Variants in C8orf34 observed in about 807,000 individuals in gnomAD.
The protein encoded by C8orf34 is uncharacterized protein C8orf34.
In C8orf34, 65 loss-of-function variants were observed where a neutral mutation model predicts 68.3. The observed-to-expected ratio is 0.95, with a 90% CI of 0.78 to 1.17. The LOEUF (loss-of-function observed/expected upper bound fraction) is 1.17. C8orf34 is among the 50% of genes most tolerant of loss of function. C8orf34 has a pLI of 0.00. For missense variants in C8orf34, 664 were observed against 655.4 expected (o/e 1.01, Z -0.14); for synonymous variants, 244 against 241.2 (o/e 1.01, Z -0.11).
intron 1 of C8orf34, among the ~76,000 whole-genome samples, chr8:68,435,117 T>C (rs1260411537): frequency 6.7e-6 from 1 of 149,780 alleles, no homozygotes; most frequent in Non-Finnish European, 1.5e-5. Flanking sequence ...AAAATATGTA[T>C]TATTCATATA....
rs377701702 is a variant in C8orf34, at chr8:68,783,511, G to A, written c.1456-3932G>A. 8.5e-3 allele frequency among the ~76,000 whole-genome samples: 1,150 copies of A among 134,682 alleles called. 8 individuals are homozygous for A. The highest frequency in any genetic ancestry group is 0.012 in the Non-Finnish European group (806 of 65,328). 88.4% of individuals were successfully genotyped at this position (134,682 alleles called of 152,430 possible). A position where few individuals can be genotyped will look rare whatever the true frequency, so the allele number is the denominator to read the frequency against. ...TGCACTCCGGCCTGGGCAACAGGGC[G>A]AGACTTCATCTCAAAAAAAAAAAAA... On this transcript the variant is annotated intron_variant, in intron 11 of 13. Coordinates refer to ENST00000518698, the MANE Select transcript of C8orf34 (RefSeq NM_052958.4).
chr8:68,392,938 C>T (rs967377264), intron 1 of C8orf34, among the ~76,000 whole-genome samples: 31 of 152,106 alleles, frequency 2.0e-4, no homozygotes, highest in Admixed American at 1.9e-3. Context: ...AAAACACATT[C>T]TCTTTTGAAT....
At chr8:68,739,558 G>C (rs1822220578) in intron 10 of C8orf34, among the ~76,000 whole-genome samples, 1 of 151,946 alleles carries the variant, frequency 6.6e-6, no homozygotes, top group Non-Finnish European at 1.5e-5. Flanking sequence ...TTTACAATGA[G>C]AATTACAAAA....
chr8:68,632,616 C>G (rs577298416), intron 7 of C8orf34, among the ~76,000 whole-genome samples: 1 of 152,054 alleles, frequency 6.6e-6, no homozygotes, highest in Non-Finnish European at 1.5e-5. Context: ...CACAGCAGCC[C>G]CTCCCATCGC....
intron 7 of C8orf34, among the ~76,000 whole-genome samples, chr8:68,614,631 G>C (rs1347132503): frequency 4.6e-5 from 7 of 151,974 alleles, no homozygotes; most frequent in Non-Finnish European, 7.4e-5. Context: ...GGGCTCTGTT[G>C]TGTTCCATTG....
intron 3 of C8orf34, among the ~76,000 whole-genome samples, chr8:68,455,945 T>TA (rs909006480): frequency 6.6e-6 from 1 of 151,060 alleles, no homozygotes; most frequent in East Asian, 1.9e-4. Flanking sequence ...ATCAATTCAT[T>TA]AAAAAAAAAT....
chr8:68,651,813 T>C (rs1422261785), intron 8 of C8orf34, among the ~76,000 whole-genome samples: 3 of 152,038 alleles, frequency 2.0e-5, no homozygotes, highest in African/African-American at 4.8e-5. Flanking sequence ...TAGTCACCAT[T>C]TGAGTGATGA....
intron 5 of C8orf34, among the ~76,000 whole-genome samples, chr8:68,520,048 T>G (rs1397876750): frequency 5.3e-5 from 8 of 152,200 alleles, no homozygotes; most frequent in Admixed American, 5.2e-4. Context: ...CCCTTCTGAT[T>G]GTTTGAAAAC....
intron 7 of C8orf34, among the ~76,000 whole-genome samples, chr8:68,625,184 T>G (rs947933195): frequency 6.6e-6 from 1 of 152,044 alleles, no homozygotes; most frequent in Non-Finnish European, 1.5e-5. Context: ...CTTCTGGGGT[T>G]GAGAAGGGAG....
chr8:68,446,430 A>G lies in C8orf34; in HGVS notation c.577A>G (p.Ile193Val), dbSNP rs750929639. Residue 193 changes from isoleucine (I) to valine (V), a missense_variant, in exon 3 of 14, where the codon ATT becomes GTT. Transcript: ENST00000518698. ...KSKSDLAVSN[I>V]SPPSPDSKSL... ...AAAAAGTGACCTTGCTGTGTCTAAT[A>G]TTTCTCCACCATCACCGGACTCCAA... 6.8e-6 allele frequency: 11 copies of G among 1,613,038 alleles called. No individual in the cohort carries two copies. Among genetic ancestry groups the G allele is most frequent in the East Asian group, 4.5e-5 (2 of 44,774 alleles).
intron 8 of C8orf34, among the ~76,000 whole-genome samples, chr8:68,646,581 T>C (rs1323708617): frequency 6.6e-6 from 1 of 152,174 alleles, no homozygotes; most frequent in African/African-American, 2.4e-5. Flanking sequence ...TCTGTCTAAC[T>C]GAAATTTTGT....
chr8:68,549,464 C>T (rs756682881), intron 7 of C8orf34, among the ~76,000 whole-genome samples: 7 of 151,584 alleles, frequency 4.6e-5, no homozygotes, highest in Non-Finnish European at 8.9e-5. Flanking sequence ...CATAAGGAAA[C>T]TTTCTATGGT....
intron 1 of C8orf34, among the ~76,000 whole-genome samples, chr8:68,380,433 T>C (rs1190291226): frequency 6.6e-6 from 1 of 152,218 alleles, no homozygotes; most frequent in African/African-American, 2.4e-5. Context: ...GAAATTACTG[T>C]TTACAGTATT....
At chr8:68,351,305 G>T (rs930285252) in intron 1 of C8orf34, among the ~76,000 whole-genome samples, 6 of 152,028 alleles carry the variant, frequency 3.9e-5, no homozygotes, top group African/African-American at 1.4e-4. Flanking sequence ...ATTCTGGCTT[G>T]TAGGGTTTCA....
intron 7 of C8orf34, among the ~76,000 whole-genome samples, chr8:68,555,699 G>A (rs55880104): frequency 0.21 from 31,807 of 151,848 alleles, 4,294 homozygotes; most frequent in African/African-American, 0.39. Flanking sequence ...TTAAATTTAC[G>A]TCTGCAATAT....
At position 68,797,116 on chromosome 8, in the gene C8orf34, C is replaced by T. The variant is rs544750072; in HGVS notation, c.1549+9580C>T. 1.5e-3 allele frequency among the ~76,000 whole-genome samples: 221 copies of T among 152,246 alleles called. 1 individual carries two copies. The highest frequency in any genetic ancestry group is 5.0e-3 in the African/African-American group (207 of 41,568). ...TGCTGGGATTACTGGCGTGAGCCAC[C>T]GCACCCAGCCTATTTGAGTTCTTGT... On this transcript the variant is annotated intron_variant, in intron 12 of 13. Coordinates refer to ENST00000518698, the MANE Select transcript of C8orf34 (RefSeq NM_052958.4).
In C8orf34 at chr8:68,330,983, A is replaced by G; in HGVS notation, c.-30A>G. On this transcript the variant is annotated 5_prime_UTR_variant, in exon 1 of 14. Transcript: ENST00000518698. ...GCGCCGGGCGCTGCGGAGAGCGGCGAGGGTGGGCGCGAGGCGGAGAACGCG... is the reference window on the plus strand; with the variant it reads ...GCGCCGGGCGCTGCGGAGAGCGGCGGGGGTGGGCGCGAGGCGGAGAACGCG... 1 of 1,369,004 alleles carries G rather than the reference A, an allele frequency of 7.3e-7. No homozygotes were observed. Among genetic ancestry groups the G allele is most frequent in the Non-Finnish European group, 9.4e-7 (1 of 1,066,498 alleles). 84.8% of individuals were successfully genotyped at this position (1,369,004 alleles called of 1,614,324 possible).
intron 7 of C8orf34, chr8:68,534,517 C>A: frequency 3.0e-6 from 2 of 671,582 alleles, no homozygotes; most frequent in Non-Finnish European, 3.7e-6. Flanking sequence ...ATGAAGCACA[C>A]AGTTGTGTAT....
intron 7 of C8orf34, among the ~76,000 whole-genome samples, chr8:68,615,900 G>A (rs1364418777): frequency 2.0e-5 from 3 of 151,162 alleles, no homozygotes; most frequent in Non-Finnish European, 4.4e-5. Flanking sequence ...GTAGAATTCG[G>A]CTGTGAATCC....
Sources: allele counts gnomAD v4.1 joint callset (sites outside exome capture counted in the v4.1 genomes callset), GRCh38; gene constraint gnomAD v4.1.1; transcripts MANE v1.5; gene names NCBI Gene and HGNC (gene_info 2026-07-23, HGNC 2026-07-21).